MIPOL1: variants seen among roughly 807,000 people sequenced by gnomAD.
The protein encoded by MIPOL1 is mirror-image polydactyly gene 1 protein.
A neutral mutation model predicts 60.9 loss-of-function variants in MIPOL1; 57 were observed. The observed-to-expected ratio is 0.94, with a 90% confidence interval of 0.76 to 1.17. MIPOL1 has a LOEUF of 1.17. Among genes scored for constraint, MIPOL1 ranks in the 50% most tolerant of loss-of-function variants. The pLI, the probability that MIPOL1 is intolerant of heterozygous loss-of-function variation, is 0.00. For synonymous variants in MIPOL1, 179 were observed against 168.8 expected, an observed-to-expected ratio of 1.06 and a Z score of -0.47; for missense variants, 551 against 511.6, an observed-to-expected ratio of 1.08 and a Z score of -0.74.
At chr14:37,276,647 C>G (rs898750131) in intron 6 of MIPOL1, 1 of 151,118 alleles carries the variant, frequency 6.6e-6, no homozygotes, top group Non-Finnish European at 1.5e-5. Context: ...TAACTTTTAT[C>G]TTTAAGAAAT....
chr14:37,484,129 G>C (rs2094913766), intron 11 of MIPOL1, among the ~76,000 whole-genome samples: 1 of 152,064 alleles, frequency 6.6e-6, no homozygotes, highest in Non-Finnish European at 1.5e-5. Context: ...ATTTGTCTTT[G>C]GCGTTAGTTT....
intron 9 of MIPOL1, among the ~76,000 whole-genome samples, chr14:37,347,809 T>C (rs944397767): frequency 6.6e-6 from 1 of 152,256 alleles, no homozygotes; most frequent in African/African-American, 2.4e-5. Flanking sequence ...AAGTACCATT[T>C]ATCATAGCAG....
At chr14:37,413,727 C>T (rs1011507653) in intron 10 of MIPOL1, among the ~76,000 whole-genome samples, 1 of 152,094 alleles carries the variant, frequency 6.6e-6, no homozygotes, top group Non-Finnish European at 1.5e-5. Flanking sequence ...GGGCATGAGA[C>T]CACAGGTAGA....
chr14:37,520,926 CTTTTTTTTT>C (rs11299536), intron 12 of MIPOL1, among the ~76,000 whole-genome samples: 4 of 47,724 alleles, frequency 8.4e-5, no homozygotes, highest in East Asian at 1.6e-3. Flanking sequence ...TAACATTTTA[CTTTTTTTTT>C]TTTTTTTTTT....
chr14:37,248,721 G>A (rs1295855134), intron 3 of MIPOL1, among the ~76,000 whole-genome samples: 1 of 151,996 alleles, frequency 6.6e-6, no homozygotes, highest in Non-Finnish European at 1.5e-5. Flanking sequence ...CACACCTAAA[G>A]TAAGGAGAGA....
At chr14:37,379,363 A>G (rs1333672944) in intron 10 of MIPOL1, among the ~76,000 whole-genome samples, 2 of 152,230 alleles carry the variant, frequency 1.3e-5, no homozygotes, top group African/African-American at 4.8e-5. Context: ...TAAAACTCCT[A>G]GAAGAAAAAA....
chr14:37,427,128 T>C (rs1595728369), intron 11 of MIPOL1, among the ~76,000 whole-genome samples: 1 of 152,150 alleles, frequency 6.6e-6, no homozygotes, highest in East Asian at 1.9e-4. Context: ...TATGAAAGCA[T>C]TGTTCATATT....
chr14:37,203,122 A>G (rs1277234076), intron 1 of MIPOL1, among the ~76,000 whole-genome samples: 2 of 152,166 alleles, frequency 1.3e-5, no homozygotes, highest in Non-Finnish European at 2.9e-5. Flanking sequence ...TCAGCATTGT[A>G]TTATTATTCT....
At chr14:37,450,547 T>G (rs916507330) in intron 11 of MIPOL1, among the ~76,000 whole-genome samples, 10 of 152,144 alleles carry the variant, frequency 6.6e-5, no homozygotes, top group African/African-American at 2.4e-4. Context: ...ATTTTTGTAT[T>G]CTGAAATCTC....
rs1973424767 is a variant in MIPOL1, at chr14:37,247,881, A to G, written c.-8A>G. 2 of 1,613,266 alleles carry G rather than the reference A, an allele frequency of 1.2e-6. No individual in the cohort carries two copies. Among genetic ancestry groups the G allele is most frequent in the Non-Finnish European group, 1.7e-6 (2 of 1,179,492 alleles). On this transcript the variant is annotated 5_prime_UTR_variant, in exon 3 of 13. Transcript: ENST00000684589. ...ACATTGCCAGAGCAAACAAGAACAGAAATACAAATGGAGAACTGGTCAAAA... is the reference window on the plus strand; with the variant it reads ...ACATTGCCAGAGCAAACAAGAACAGGAATACAAATGGAGAACTGGTCAAAA...
At chr14:37,268,402 T>C (rs1228858712) in intron 4 of MIPOL1, among the ~76,000 whole-genome samples, 3 of 152,114 alleles carry the variant, frequency 2.0e-5, no homozygotes, top group African/African-American at 7.2e-5. Context: ...TCTAGCATAA[T>C]TACAACAGGA....
At chr14:37,407,873 A>C (rs180708417) in intron 10 of MIPOL1, among the ~76,000 whole-genome samples, 1 of 70,076 alleles carries the variant, frequency 1.4e-5, no homozygotes, top group African/African-American at 5.0e-5. Context: ...TTTTGGAGAC[A>C]AGGTCTCACT....
intron 11 of MIPOL1, among the ~76,000 whole-genome samples, chr14:37,459,457 T>C (rs963139273): frequency 1.3e-5 from 2 of 152,104 alleles, no homozygotes; most frequent in Non-Finnish European, 1.5e-5. Context: ...CCTCCCCAGA[T>C]TGAACCACGA....
At chr14:37,297,650 A>G (rs1406395321) in intron 7 of MIPOL1, among the ~76,000 whole-genome samples, 2 of 152,154 alleles carry the variant, frequency 1.3e-5, no homozygotes, top group Non-Finnish European at 2.9e-5. Context: ...AAGCATTCTT[A>G]TACACCAATA....
At chr14:37,334,154 A>G (rs1383334954) in intron 9 of MIPOL1, among the ~76,000 whole-genome samples, 1 of 152,096 alleles carries the variant, frequency 6.6e-6, no homozygotes, top group Non-Finnish European at 1.5e-5. Context: ...ATGCTAATAC[A>G]TTTAGTAACC....
At chr14:37,397,421 G>GT (rs1253485665) in intron 10 of MIPOL1, among the ~76,000 whole-genome samples, 3 of 152,118 alleles carry the variant, frequency 2.0e-5, no homozygotes, top group Non-Finnish European at 4.4e-5. Context: ...CTCTGTGAGG[G>GT]TTTTTAGCTT....
At chr14:37,539,893 C>T (rs985486940) in intron 12 of MIPOL1, among the ~76,000 whole-genome samples, 1 of 152,288 alleles carries the variant, frequency 6.6e-6, no homozygotes, top group East Asian at 1.9e-4. Flanking sequence ...CATGTCTCAT[C>T]GGAGGGACCA....
At chr14:37,515,273 T>C (rs1002648832) in intron 12 of MIPOL1, among the ~76,000 whole-genome samples, 1 of 151,386 alleles carries the variant, frequency 6.6e-6, no homozygotes, top group African/African-American at 2.4e-5. Context: ...CACTTTTCAC[T>C]TCTTAACCTA....
At chr14:37,526,545 A>ATT (rs760730621) in intron 12 of MIPOL1, among the ~76,000 whole-genome samples, 34 of 116,678 alleles carry the variant, frequency 2.9e-4, no homozygotes, top group African/African-American at 8.5e-4. Context: ...AATTTTTTGT[A>ATT]TTTTTTTTTT....
Sources: allele counts gnomAD v4.1 joint callset (sites outside exome capture counted in the v4.1 genomes callset), GRCh38; gene constraint gnomAD v4.1.1; transcripts MANE v1.5; gene names NCBI Gene and HGNC (gene_info 2026-07-23, HGNC 2026-07-21).